The following PDE9A variants were observed in gnomAD, a reference collection of about 807,000 sequenced individuals.
The protein encoded by PDE9A is phosphodiesterase 9A, also known as high affinity cGMP-specific 3',5'-cyclic phosphodiesterase 9A.
Under a neutral mutation model 87.4 loss-of-function variants are expected in PDE9A, and 60 were observed. The ratio of observed to expected loss-of-function variants is 0.69; its 90% CI spans 0.56 to 0.85. The LOEUF (loss-of-function observed/expected upper bound fraction) is 0.85. Ranked by LOEUF, PDE9A falls within the 40% of genes least tolerant of loss-of-function variation. PDE9A has a pLI of 0.00. For synonymous variants in PDE9A, 272 were observed against 279.4 expected, an observed-to-expected ratio of 0.97 and a Z score of 0.27; for missense variants, 665 against 779.0, an observed-to-expected ratio of 0.85 and a Z score of 1.74.
At chr21:42,740,748 A>ATAGATAGG (rs1569229105) in intron 7 of PDE9A, among the ~76,000 whole-genome samples, 1 of 136,706 alleles carries the variant, frequency 7.3e-6, no homozygotes, top group East Asian at 2.2e-4. Flanking sequence ...AGATAGATAG[A>ATAGATAGG]TAAACAGGAT....
chr21:42,679,242 C>G (rs2269138), intron 1 of PDE9A, among the ~76,000 whole-genome samples: 48,250 of 152,034 alleles, frequency 0.32, 8,481 homozygotes, highest in African/African-American at 0.48. Flanking sequence ...CTGCTGGCAT[C>G]GAGTCTGTGT....
intron 4 of PDE9A, among the ~76,000 whole-genome samples, chr21:42,717,968 A>AGAT (rs2050120487): frequency 6.6e-6 from 1 of 151,420 alleles, no homozygotes; most frequent in African/African-American, 2.4e-5. Flanking sequence ...TGCCCAGGCT[A>AGAT]GAGTGCAGTG....
intron 15 of PDE9A, 189 bp downstream of exon 15, chr21:42,765,683 G>A (rs746400137): frequency 2.8e-5 from 17 of 598,354 alleles, no homozygotes; most frequent in African/African-American, 5.6e-5. Context: ...CTCCTGATGG[G>A]TCCTCCTTCA....
At chr21:42,664,090 T>A (rs1276734872) in intron 1 of PDE9A, among the ~76,000 whole-genome samples, 1 of 152,172 alleles carries the variant, frequency 6.6e-6, no homozygotes, top group Admixed American at 6.5e-5. Context: ...TCTCGAGGCA[T>A]CTCCAGCTCC....
chr21:42,681,368 A>T (rs2059155560), intron 1 of PDE9A, among the ~76,000 whole-genome samples: 1 of 152,272 alleles, frequency 6.6e-6, no homozygotes, highest in Non-Finnish European at 1.5e-5. Context: ...GCTGTGATCA[A>T]GCATGTGCGG....
chr21:42,751,325 G>A (rs778670823), intron 9 of PDE9A, 128 bp downstream of exon 9: 51 of 740,612 alleles, frequency 6.9e-5, no homozygotes, highest in Non-Finnish European at 1.1e-4. Context: ...GCCCTGGGCC[G>A]CTGACGGTGC....
intron 4 of PDE9A, among the ~76,000 whole-genome samples, chr21:42,725,662 C>T (rs949926477): frequency 3.9e-5 from 6 of 152,194 alleles, no homozygotes; most frequent in African/African-American, 1.2e-4. Context: ...TCCGGGTTGT[C>T]GCCTATATCC....
chr21:42,655,067 C>A (rs993530734), intron 1 of PDE9A, among the ~76,000 whole-genome samples: 2 of 152,112 alleles, frequency 1.3e-5, no homozygotes, highest in Non-Finnish European at 2.9e-5. Context: ...GAAGGAGTGG[C>A]CCTCCCTTGA....
At chr21:42,691,954 C>G (rs1291395282) in intron 3 of PDE9A, among the ~76,000 whole-genome samples, 1 of 152,216 alleles carries the variant, frequency 6.6e-6, no homozygotes, top group Admixed American at 6.5e-5. Context: ...GTCACCCAGC[C>G]CCTTCACCAT....
intron 4 of PDE9A, among the ~76,000 whole-genome samples, chr21:42,714,181 G>C (rs2049616362): frequency 6.6e-6 from 1 of 151,836 alleles, no homozygotes; most frequent in African/African-American, 2.4e-5. Flanking sequence ...ACCGTGCCTG[G>C]CTAACGTTTG....
At chr21:42,710,484 C>A (rs1472224799) in intron 4 of PDE9A, among the ~76,000 whole-genome samples, 2 of 152,126 alleles carry the variant, frequency 1.3e-5, no homozygotes, top group Non-Finnish European at 2.9e-5. Context: ...TCCACATTCC[C>A]ACCAGCAGCA....
At chr21:42,770,476 G>A (rs888852634) in intron 17 of PDE9A, among the ~76,000 whole-genome samples, 1 of 152,262 alleles carries the variant, frequency 6.6e-6, no homozygotes, top group African/African-American at 2.4e-5. Context: ...ACGGGCACGG[G>A]GGACACAGGA....
rs368445489 is a variant in PDE9A, at chr21:42,666,319, A to G, written c.69+12436A>G. ...CCAGGGGCAGGGCTGGCACCAAAGC[A>G]CTTCTGAAGTCTCCCCGCCTCCCAA... On this transcript the variant is annotated intron_variant, in intron 1 of 19. Coordinates refer to ENST00000291539, the MANE Select transcript of PDE9A (RefSeq NM_002606.3). 2.6e-5 allele frequency among the ~76,000 whole-genome samples: 4 copies of G among 151,928 alleles called. No homozygotes were observed. In the East Asian group the frequency reaches 7.7e-4, roughly 29 times the overall value.
chr21:42,765,300 G>C (rs2056287303), intron 14 of PDE9A, 81 bp from the exon 15 acceptor site: 4 of 712,384 alleles, frequency 5.6e-6, no homozygotes, highest in Non-Finnish European at 9.8e-6. Flanking sequence ...ATGTGTGCAG[G>C]GGGCTCAGTA....
chr21:42,714,232 T>C (rs1281493196), intron 4 of PDE9A, among the ~76,000 whole-genome samples: 1 of 152,146 alleles, frequency 6.6e-6, no homozygotes, highest in Non-Finnish European at 1.5e-5. Context: ...TTAGCCAGGA[T>C]GGTCTCGCTC....
rs922773430 is a variant in PDE9A at position 42,702,243 on chromosome 21, T to A, written c.262+3232T>A. 1.3e-5 allele frequency among the ~76,000 whole-genome samples: 2 copies of A among 152,096 alleles called. No homozygotes were observed. Among genetic ancestry groups the A allele is most frequent in the African/African-American group, 4.8e-5 (2 of 41,406 alleles). On this transcript the variant is annotated intron_variant, in intron 4 of 19. Coordinates refer to ENST00000291539, the MANE Select transcript of PDE9A (RefSeq NM_002606.3). This position sits in a 1 kb window ranked among gnomAD's most constrained non-coding sequence, Gnocchi z 4.9. ...TGGTCTTCCCTCCTGCAGTATCTAG[T>A]CTGCTGTTAATCTCGTTCAGTGAAA...
intron 8 of PDE9A, among the ~76,000 whole-genome samples, chr21:42,745,717 G>T (rs1327326773): frequency 6.6e-6 from 1 of 152,248 alleles, no homozygotes; most frequent in African/African-American, 2.4e-5. Flanking sequence ...GTGTTCCAGG[G>T]TGGTGCTGCC....
At chr21:42,657,046 G>A (rs117981884) in intron 1 of PDE9A, among the ~76,000 whole-genome samples, 242 of 152,354 alleles carry the variant, frequency 1.6e-3, no homozygotes, top group Non-Finnish European at 2.5e-3. Context: ...AGCAGCAGAC[G>A]TTGCAGGCTG....
chr21:42,742,457 CTTTTTT>C (rs60925435), intron 7 of PDE9A, among the ~76,000 whole-genome samples: 7 of 71,524 alleles, frequency 9.8e-5, no homozygotes, highest in East Asian at 5.5e-4. Context: ...AAGCTGTCTG[CTTTTTT>C]TTTTTTTTTT....
Sources: gnomAD v4.1 joint callset for allele counts (sites outside exome capture counted in the v4.1 genomes callset) on GRCh38, gnomAD v4.1.1 for gene constraint, Gnocchi (gnomAD v3.1) non-coding constraint, MANE v1.5 for transcripts, NCBI Gene and HGNC (gene_info 2026-07-23, HGNC 2026-07-21) for gene names.